Variants in SKAP2 observed in about 807,000 individuals in gnomAD.
SKAP2 encodes src kinase-associated phosphoprotein 2.
A neutral mutation model predicts 54.9 loss-of-function variants in SKAP2; 28 were observed. The observed-to-expected ratio is 0.51, with a 90% confidence interval of 0.38 to 0.70. SKAP2 has a LOEUF of 0.70. Ranked by LOEUF, SKAP2 falls within the 30% of genes least tolerant of loss-of-function variation. The pLI, the probability that SKAP2 is intolerant of heterozygous loss-of-function variation, is 0.00. For missense variants in SKAP2, 356 were observed against 424.1 expected (o/e 0.84, Z 1.41); for synonymous variants, 137 against 134.3 (o/e 1.02, Z -0.14).
Position 26,753,321 on chromosome 7 carries a change from C to A in SKAP2, c.308-13357G>T, listed in dbSNP as rs186462051. On this transcript the variant is annotated intron_variant, in intron 4 of 12. Coordinates refer to ENST00000345317, the MANE Select transcript of SKAP2 (RefSeq NM_003930.5). ...CTGAAATTTGAGTGCACATGGAAAT[C>A]ACCAAGGGTACTTCTTTCAAATGTA... 3.7e-3 allele frequency among the ~76,000 whole-genome samples: 557 copies of A among 152,294 alleles called. 2 individuals are homozygous for A. The highest frequency in any genetic ancestry group is 5.0e-3 in the Non-Finnish European group (341 of 68,028).
intron 4 of SKAP2, among the ~76,000 whole-genome samples, chr7:26,793,789 T>A (rs914355417): frequency 3.3e-5 from 5 of 152,206 alleles, no homozygotes; most frequent in African/African-American, 1.2e-4. Context: ...ACTGCATTTA[T>A]AAAAGCAGAT....
intron 4 of SKAP2, among the ~76,000 whole-genome samples, chr7:26,832,565 C>T (rs944411136): frequency 1.3e-5 from 2 of 152,070 alleles, no homozygotes; most frequent in Non-Finnish European, 2.9e-5. Flanking sequence ...CTGGTGCATG[C>T]CTGTAGTCTC....
intron 3 of SKAP2, among the ~76,000 whole-genome samples, chr7:26,845,372 T>C (rs1263946882): frequency 6.6e-6 from 1 of 152,178 alleles, no homozygotes; most frequent in African/African-American, 2.4e-5. Context: ...CCTATTTCCT[T>C]ATAATTTTGC....
At chr7:26,744,386 G>A (rs528573215) in intron 4 of SKAP2, among the ~76,000 whole-genome samples, 2 of 152,188 alleles carry the variant, frequency 1.3e-5, no homozygotes, top group East Asian at 3.9e-4. Flanking sequence ...GGCATTAACA[G>A]GGTAGACAAT....
chr7:26,834,947 T>A (rs1375204669), intron 4 of SKAP2, among the ~76,000 whole-genome samples: 1 of 152,180 alleles, frequency 6.6e-6, no homozygotes, highest in South Asian at 2.1e-4. Context: ...AAATCCTCAA[T>A]GAAATACTGG....
chr7:26,857,303 C>A, intron 1 of SKAP2: 1 of 104,582 alleles, frequency 9.6e-6, no homozygotes, highest in African/African-American at 9.3e-5. Context: ...GTAGAAACTG[C>A]TTTGCTTAAA....
chr7:26,774,174 G>A (rs868141526), intron 4 of SKAP2, among the ~76,000 whole-genome samples: 1 of 152,028 alleles, frequency 6.6e-6, no homozygotes, highest in South Asian at 2.1e-4. Flanking sequence ...TTAGCTGGTA[G>A]TGGTGGTGCA....
At chr7:26,852,467 T>G (rs1271107835) in intron 3 of SKAP2, among the ~76,000 whole-genome samples, 1 of 152,210 alleles carries the variant, frequency 6.6e-6, no homozygotes, top group African/African-American at 2.4e-5. Context: ...CAGGCACTCT[T>G]TGTGATTAGT....
At chr7:26,714,992 G>A (rs867077220) in intron 9 of SKAP2, among the ~76,000 whole-genome samples, 1 of 152,042 alleles carries the variant, frequency 6.6e-6, no homozygotes, top group Non-Finnish European at 1.5e-5. Context: ...AGATTTCTTG[G>A]TGGCAAAGGA....
At chr7:26,826,562 T>C (rs1030993912) in intron 4 of SKAP2, among the ~76,000 whole-genome samples, 1 of 152,228 alleles carries the variant, frequency 6.6e-6, no homozygotes, top group African/African-American at 2.4e-5. Context: ...TGAAAAACTA[T>C]TACCTCCATG....
rs77838767 is a variant in SKAP2, at chr7:26,795,850, G to A, written c.307+48180C>T. Among the ~76,000 whole-genome samples the A allele has an allele frequency of 6.7e-3, 1,027 of 152,282 alleles. 13 individuals are homozygous for A. Among genetic ancestry groups the A allele is most frequent in the Middle Eastern group, 0.034 (10 of 294 alleles). On this transcript the variant is annotated intron_variant, in intron 4 of 12. Coordinates refer to ENST00000345317, the MANE Select transcript of SKAP2 (RefSeq NM_003930.5). ...AGGGGTTATTTAGGAATGGCTCCTTGATAAGTGCAAATAGCAGTGCATCAA... is the reference window on the plus strand; with the variant it reads ...AGGGGTTATTTAGGAATGGCTCCTTAATAAGTGCAAATAGCAGTGCATCAA...
intron 11 of SKAP2, among the ~76,000 whole-genome samples, chr7:26,673,416 A>C (rs1786282801): frequency 2.0e-5 from 3 of 152,084 alleles, no homozygotes; most frequent in Non-Finnish European, 4.4e-5. Context: ...TTTTCTATTA[A>C]TCATGTGCTA....
At chr7:26,772,703 G>A (rs557925421) in intron 4 of SKAP2, among the ~76,000 whole-genome samples, 12 of 152,266 alleles carry the variant, frequency 7.9e-5, no homozygotes, top group African/African-American at 2.9e-4. Flanking sequence ...AAAGCATTTG[G>A]CAAACATTCA....
At chr7:26,667,008 C>T (rs959902396), downstream of SKAP2, 2 of 152,148 alleles carry the variant, frequency 1.3e-5, no homozygotes, top group African/African-American at 4.8e-5. Flanking sequence ...CCAAATTAAT[C>T]ATAACAAAGT....
chr7:26,848,217 G>A (rs1383633571), intron 3 of SKAP2: 2 of 152,140 alleles, frequency 1.3e-5, no homozygotes, highest in African/African-American at 4.8e-5. Flanking sequence ...TACAACCACT[G>A]AAGCTGATTT....
chr7:26,822,048 ATTCT>A (rs146833757), intron 4 of SKAP2, among the ~76,000 whole-genome samples: 32,232 of 152,044 alleles, frequency 0.21, 3,468 homozygotes, highest in Non-Finnish European at 0.24. Context: ...TCCAATCTTT[ATTCT>A]TTATTTCTGT....
intron 11 of SKAP2, 66 bp downstream of exon 11, chr7:26,684,670 C>T: frequency 1.1e-6 from 1 of 945,026 alleles, no homozygotes; most frequent in Non-Finnish European, 1.7e-6. Context: ...TCTGTAAATC[C>T]AAATGCATTA....
At chr7:26,713,100 C>A (rs536723819) in intron 9 of SKAP2, among the ~76,000 whole-genome samples, 14 of 152,334 alleles carry the variant, frequency 9.2e-5, no homozygotes, top group Admixed American at 8.5e-4. Flanking sequence ...CTCTGCCTGG[C>A]TACATATGGC....
At chr7:26,834,029 G>T (rs1784655380) in intron 4 of SKAP2, among the ~76,000 whole-genome samples, 2 of 152,166 alleles carry the variant, frequency 1.3e-5, no homozygotes, top group Admixed American at 1.3e-4. Flanking sequence ...TAGAACTCAG[G>T]ATTAAGAAAC....
Sources: gnomAD v4.1 joint callset for allele counts (sites outside exome capture counted in the v4.1 genomes callset) on GRCh38, gnomAD v4.1.1 for gene constraint, MANE v1.5 for transcripts, NCBI Gene and HGNC (gene_info 2026-07-23, HGNC 2026-07-21) for gene names.